The following TMEM132B variants were observed in gnomAD, a reference collection of about 807,000 sequenced individuals.
TMEM132B encodes transmembrane protein 132B.
Under a neutral mutation model 90.8 loss-of-function variants are expected in TMEM132B, and 18 were observed. The observed-to-expected ratio is 0.20, with a 90% CI of 0.14 to 0.29. TMEM132B has a LOEUF of 0.29. Ranked by LOEUF, TMEM132B falls within the 10% of genes least tolerant of loss-of-function variation. The pLI is 1.00. For missense variants in TMEM132B, 1,096 were observed against 1,326.8 expected, an observed-to-expected ratio of 0.83 and a Z score of 2.70; for synonymous variants, 504 against 523.3, an observed-to-expected ratio of 0.96 and a Z score of 0.50.
intron 4 of TMEM132B, among the ~76,000 whole-genome samples, chr12:125,553,206 C>A (rs58029677): frequency 1.4e-4 from 21 of 152,230 alleles, no homozygotes; most frequent in African/African-American, 4.8e-4. Context: ...TACTGAATAC[C>A]CTTTAGGGAA....
chr12:125,216,082 C>T (rs1381255848), intron 1 of TMEM132B, among the ~76,000 whole-genome samples: 1 of 152,232 alleles, frequency 6.6e-6, no homozygotes, highest in East Asian at 1.9e-4. Flanking sequence ...GCCTTGATTC[C>T]ATCTGCCTCC....
chr12:125,375,309 T>G (rs1878440337), intron 2 of TMEM132B, among the ~76,000 whole-genome samples: 2 of 152,316 alleles, frequency 1.3e-5, no homozygotes, highest in South Asian at 4.1e-4. Flanking sequence ...AGATGGAGGC[T>G]GAGTTTTCAA....
Position 125,654,747 on chromosome 12 carries a change from C to T in TMEM132B, c.*37C>T. The T allele has an allele frequency of 6.3e-7, 1 of 1,578,744 alleles. No individual in the cohort carries two copies. Among genetic ancestry groups the T allele is most frequent in the Non-Finnish European group, 8.6e-7 (1 of 1,162,566 alleles). Reference sequence around the variant, plus strand: ...ATGTTTGTATTCACCTTTATGCCTTCTGTTTTTTGAATGCTGGAGCAGTGA... The same window carrying T: ...ATGTTTGTATTCACCTTTATGCCTTTTGTTTTTTGAATGCTGGAGCAGTGA... On this transcript the variant is annotated 3_prime_UTR_variant, in exon 9 of 9. Transcript: ENST00000682704. The surrounding 1 kb of genome is among the most constrained non-coding windows in gnomAD (Gnocchi z 5.8).
chr12:125,501,731 G>T (rs1265746309), intron 3 of TMEM132B, among the ~76,000 whole-genome samples: 1 of 152,164 alleles, frequency 6.6e-6, no homozygotes, highest in Non-Finnish European at 1.5e-5. Context: ...TGGAGATTTT[G>T]TGTCCTTTGT....
intron 5 of TMEM132B, chr12:125,586,449 A>T (rs1566081605): frequency 1.3e-5 from 2 of 152,100 alleles, no homozygotes; most frequent in South Asian, 4.1e-4. Flanking sequence ...GTCCTTCCTT[A>T]TCTGTGGTTT....
chr12:125,541,949 C>T (rs1174805313), intron 4 of TMEM132B, among the ~76,000 whole-genome samples: 2 of 143,656 alleles, frequency 1.4e-5, no homozygotes, highest in Non-Finnish European at 3.0e-5. Context: ...GGCGTGAACC[C>T]GGTAGGCGGA....
chr12:125,658,685 AT>A lies in TMEM132B; in HGVS notation c.*3976del, dbSNP rs1230559396. Reference sequence around the variant, plus strand: ...TATTTTTGTATGTAATATAGGCAATATAATGAAACACCGAGTTTTTTAAAGT... The same window carrying A: ...TATTTTTGTATGTAATATAGGCAATAAATGAAACACCGAGTTTTTTAAAGT... On this transcript the variant is annotated 3_prime_UTR_variant, in exon 9 of 9. Transcript: ENST00000682704. 6.6e-6 allele frequency: 1 copy of A among 152,254 alleles called. No homozygotes were observed. The highest frequency in any genetic ancestry group is 1.5e-5 in the Non-Finnish European group (1 of 68,044). The allele number at this position is 152,254 out of a possible 1,614,324, so 9.4% of individuals were successfully genotyped here. A position where few individuals can be genotyped will look rare whatever the true frequency, so the allele number is the denominator to read the frequency against.
At chr12:125,606,577 G>C (rs1885701940) in intron 5 of TMEM132B, among the ~76,000 whole-genome samples, 1 of 152,230 alleles carries the variant, frequency 6.6e-6, no homozygotes, top group Non-Finnish European at 1.5e-5. Flanking sequence ...GCATGCACAC[G>C]TTGTGTGCTA....
intron 3 of TMEM132B, among the ~76,000 whole-genome samples, chr12:125,462,699 A>G (rs751749838): frequency 7.9e-5 from 12 of 152,216 alleles, no homozygotes; most frequent in Admixed American, 1.3e-4. Context: ...ATCAGCCTGC[A>G]TTCAGTTTCC....
At chr12:125,612,666 T>C (rs1885865207) in intron 5 of TMEM132B, among the ~76,000 whole-genome samples, 1 of 143,630 alleles carries the variant, frequency 7.0e-6, no homozygotes, top group Admixed American at 7.1e-5. Flanking sequence ...CATACTGTTG[T>C]CTAGTAACAT....
chr12:125,350,041 G>T lies in TMEM132B; in HGVS notation c.657G>T (p.Thr219=). ...TCCCAGCCCTGCTCGGGGGCACCAC[G>T]ATGGAGCTCTTCTTCACGCTCTACC... ...EEIPALLGGT[T]MELFFTLYPA... The change falls in exon 2 of 9, where the codon ACG becomes ACT. Residue 219 remains threonine (T), a synonymous_variant. Transcript: ENST00000682704. 1 of 1,614,186 alleles carries T rather than the reference G, an allele frequency of 6.2e-7. No individual in the cohort carries two copies. Among genetic ancestry groups the T allele is most frequent in the East Asian group, 2.2e-5 (1 of 44,880 alleles).
chr12:125,397,703 G>A (rs561921462), intron 2 of TMEM132B, among the ~76,000 whole-genome samples: 1 of 152,344 alleles, frequency 6.6e-6, no homozygotes, highest in African/African-American at 2.4e-5. Flanking sequence ...TGACAGAAGA[G>A]AAGACTTTCT....
chr12:125,411,673 A>G (rs998078464), intron 2 of TMEM132B, among the ~76,000 whole-genome samples: 3 of 151,960 alleles, frequency 2.0e-5, no homozygotes, highest in Admixed American at 1.3e-4. Flanking sequence ...GGGAAGGTAA[A>G]GGGTTGGTTG....
chr12:125,240,254 G>C (rs1180234973), intron 1 of TMEM132B, among the ~76,000 whole-genome samples: 1 of 152,180 alleles, frequency 6.6e-6, no homozygotes, highest in Non-Finnish European at 1.5e-5. Flanking sequence ...TGTCACCCTG[G>C]GGTGAGGGAG....
intron 3 of TMEM132B, among the ~76,000 whole-genome samples, chr12:125,517,275 C>T (rs1474872660): frequency 1.3e-5 from 2 of 149,924 alleles, no homozygotes; most frequent in South Asian, 4.2e-4. Context: ...ATTCTCCTGC[C>T]TCAGCCTCCT....
intron 4 of TMEM132B, among the ~76,000 whole-genome samples, chr12:125,555,846 G>A (rs1322956386): frequency 6.6e-6 from 1 of 152,146 alleles, no homozygotes; most frequent in African/African-American, 2.4e-5. Context: ...TCTAAAATAA[G>A]GAATGCTTTT....
chr12:125,588,126 T>G (rs769259270), intron 5 of TMEM132B: 2 of 152,184 alleles, frequency 1.3e-5, no homozygotes, highest in Non-Finnish European at 2.9e-5. Flanking sequence ...TAGTGAGTTC[T>G]TTGGTTGAGC....
At chr12:125,412,806 A>G (rs1368047464) in intron 2 of TMEM132B, among the ~76,000 whole-genome samples, 1 of 152,162 alleles carries the variant, frequency 6.6e-6, no homozygotes, top group African/African-American at 2.4e-5. Context: ...GGCTGGGGGC[A>G]GGGACAGAAC....
chr12:125,486,253 T>A (rs77515535), intron 3 of TMEM132B, among the ~76,000 whole-genome samples: 12,572 of 152,226 alleles, frequency 0.083, 574 homozygotes, highest in Non-Finnish European at 0.12. Context: ...TCTGATTTAT[T>A]ATGGCATATT....
Sources: allele counts gnomAD v4.1 joint callset (sites outside exome capture counted in the v4.1 genomes callset), GRCh38; gene constraint gnomAD v4.1.1; non-coding constraint Gnocchi (gnomAD v3.1); transcripts MANE v1.5; gene names NCBI Gene and HGNC (gene_info 2026-07-23, HGNC 2026-07-21).